FREM3: variants seen among roughly 807,000 people sequenced by gnomAD.
The protein encoded by FREM3 is FRAS1-related extracellular matrix protein 3.
A neutral mutation model predicts 129.1 loss-of-function variants in FREM3; 105 were observed. The observed-to-expected ratio is 0.81, with a 90% CI of 0.69 to 0.96. FREM3 has a LOEUF of 0.96. FREM3 is among the 40% of genes least tolerant of loss of function. The pLI is 0.00. For missense variants in FREM3, 2,593 were observed against 2,666.3 expected, an observed-to-expected ratio of 0.97 and a Z score of 0.61; for synonymous variants, 1,014 against 1,044.9, an observed-to-expected ratio of 0.97 and a Z score of 0.57.
intron 2 of FREM3, among the ~76,000 whole-genome samples, chr4:143,642,716 A>G (rs1472557063): frequency 6.6e-6 from 1 of 152,192 alleles, no homozygotes; most frequent in African/African-American, 2.4e-5. Flanking sequence ...ACTTCATAAC[A>G]TTGGGCTGGG....
At chr4:143,645,161 A>G (rs1222003838) in intron 2 of FREM3, 1 of 152,184 alleles carries the variant, frequency 6.6e-6, no homozygotes, top group Non-Finnish European at 1.5e-5. Flanking sequence ...GGATGGTAAG[A>G]TAATCATTGA....
intron 5 of FREM3, among the ~76,000 whole-genome samples, chr4:143,614,206 A>T (rs1738807382): frequency 6.6e-6 from 1 of 152,246 alleles, no homozygotes; most frequent in Non-Finnish European, 1.5e-5. Flanking sequence ...TTAATAAAAA[A>T]ATTCAGTTGA....
chr4:143,596,090 T>C (rs1233582174), intron 6 of FREM3, among the ~76,000 whole-genome samples: 3 of 152,140 alleles, frequency 2.0e-5, no homozygotes. Flanking sequence ...AGAACTTGTT[T>C]ATTGGTAGTG....
chr4:143,588,106 G>A (rs934361383), intron 6 of FREM3, among the ~76,000 whole-genome samples: 1 of 152,158 alleles, frequency 6.6e-6, no homozygotes, highest in Non-Finnish European at 1.5e-5. Context: ...CCAGATCCCA[G>A]TTCATTGTGT....
intron 5 of FREM3, among the ~76,000 whole-genome samples, chr4:143,614,322 T>TA (rs983431092): frequency 6.6e-6 from 1 of 152,218 alleles, no homozygotes; most frequent in African/African-American, 2.4e-5. Context: ...TTCATTTAAG[T>TA]AAAAAACAAA....
chr4:143,581,302 T>C (rs1331248715), intron 7 of FREM3, among the ~76,000 whole-genome samples: 5 of 152,326 alleles, frequency 3.3e-5, no homozygotes, highest in Middle Eastern at 6.8e-3. Flanking sequence ...GCAAAACCTC[T>C]CTGCCATTGC....
intron 6 of FREM3, among the ~76,000 whole-genome samples, chr4:143,609,215 CA>C (rs1291302243): frequency 6.6e-6 from 1 of 152,096 alleles, no homozygotes; most frequent in African/African-American, 2.4e-5. Context: ...TCTGTTGTTC[CA>C]CTTTTGATTC....
At chr4:143,629,909 C>T (rs900832433) in intron 2 of FREM3, among the ~76,000 whole-genome samples, 4 of 152,136 alleles carry the variant, frequency 2.6e-5, no homozygotes, top group South Asian at 2.1e-4. Flanking sequence ...GCAACACAAA[C>T]GCTTCAAAAG....
intron 5 of FREM3, among the ~76,000 whole-genome samples, chr4:143,620,731 C>A (rs1323696823): frequency 6.6e-6 from 1 of 152,188 alleles, no homozygotes; most frequent in Non-Finnish European, 1.5e-5. Context: ...TCTTTTGACA[C>A]AAGATGTCTC....
intron 5 of FREM3, among the ~76,000 whole-genome samples, chr4:143,620,599 A>AGAG (rs1353268509): frequency 2.6e-5 from 4 of 152,134 alleles, no homozygotes; most frequent in Non-Finnish European, 5.9e-5. Flanking sequence ...AGATGGGGAG[A>AGAG]GAGGAGGAGA....
intron 2 of FREM3, among the ~76,000 whole-genome samples, chr4:143,673,713 G>A (rs926806906): frequency 2.6e-5 from 4 of 152,254 alleles, no homozygotes; most frequent in Non-Finnish European, 5.9e-5. Context: ...AGGCAGGCAG[G>A]CCTCCTTGAG....
At chr4:143,671,759 T>C (rs1303741510) in intron 2 of FREM3, among the ~76,000 whole-genome samples, 1 of 152,220 alleles carries the variant, frequency 6.6e-6, no homozygotes, top group Non-Finnish European at 1.5e-5. Flanking sequence ...TTTAATTTTC[T>C]ATGTGGAAAC....
chr4:143,628,920 T>G (rs894240159), intron 2 of FREM3, among the ~76,000 whole-genome samples: 9 of 152,070 alleles, frequency 5.9e-5, no homozygotes, highest in Non-Finnish European at 1.3e-4. Context: ...TCGAGTAGCT[T>G]TGAAGAGCAG....
At chr4:143,669,908 T>C (rs1739936911) in intron 2 of FREM3, among the ~76,000 whole-genome samples, 2 of 152,172 alleles carry the variant, frequency 1.3e-5, no homozygotes, top group African/African-American at 4.8e-5. Flanking sequence ...TAGGAAGTTT[T>C]TCAGCCCACG....
intron 3 of FREM3, among the ~76,000 whole-genome samples, chr4:143,625,806 T>G (rs1226032265): frequency 1.3e-5 from 2 of 152,160 alleles, no homozygotes; most frequent in Admixed American, 1.3e-4. Flanking sequence ...GATAAACAGG[T>G]GATTTTAATT....
At chr4:143,662,242 C>T (rs1170302141) in intron 2 of FREM3, among the ~76,000 whole-genome samples, 1 of 152,150 alleles carries the variant, frequency 6.6e-6, no homozygotes, top group African/African-American at 2.4e-5. Context: ...ACAAATTTCC[C>T]TCTACACACT....
rs936018952 is a variant in FREM3, at chr4:143,585,959, G to A, written c.6063C>T (p.His2021=). Residue 2021 remains histidine (H), a synonymous_variant, in exon 7 of 8, where the codon CAC becomes CAT. Transcript: ENST00000329798. This position sits in a 1 kb window ranked among gnomAD's most constrained non-coding sequence, Gnocchi z 4.2. ...CCACGTAGCGAGCACTTTCATTGAC[G>A]TGATATTCAGCATCCCCAAAGTGCA... ...PVLHFGDAEY[H]VNESARYVEV... 2.3e-5 allele frequency: 35 copies of A among 1,537,532 alleles called. No homozygotes were observed. Among genetic ancestry groups the A allele is most frequent in the South Asian group, 3.6e-5 (3 of 84,060 alleles).
chr4:143,595,116 G>A (rs562190836), intron 6 of FREM3, among the ~76,000 whole-genome samples: 25 of 152,332 alleles, frequency 1.6e-4, no homozygotes, highest in Admixed American at 7.2e-4. Context: ...ATTCGGAGAC[G>A]CTTAATGCCA....
At chr4:143,680,732 T>C (rs17018069) in intron 2 of FREM3, among the ~76,000 whole-genome samples, 17,537 of 152,112 alleles carry the variant, frequency 0.12, 2,872 homozygotes, top group African/African-American at 0.36. Flanking sequence ...TTTGACTACC[T>C]AGAGACATTT....
Sources: gnomAD v4.1 joint callset for allele counts (sites outside exome capture counted in the v4.1 genomes callset) on GRCh38, gnomAD v4.1.1 for gene constraint, Gnocchi (gnomAD v3.1) non-coding constraint, MANE v1.5 for transcripts, NCBI Gene and HGNC (gene_info 2026-07-23, HGNC 2026-07-21) for gene names.